Variants in PAM observed in about 807,000 individuals in gnomAD.
PAM encodes the protein peptidyl-glycine alpha-amidating monooxygenase.
PAM carries 72 observed loss-of-function variants against 122.1 expected under a neutral mutation model. The ratio of observed to expected loss-of-function variants is 0.59; its 90% CI spans 0.49 to 0.72. The LOEUF (loss-of-function observed/expected upper bound fraction) is 0.72, where lower values mean the gene tolerates loss of function less well. PAM is among the 30% of genes least tolerant of loss of function. The pLI, the probability that PAM is intolerant of heterozygous loss-of-function variation, is 0.00. For synonymous variants in PAM, 389 were observed against 404.4 expected (o/e 0.96, Z 0.46); for missense variants, 1,106 against 1,183.7 (o/e 0.93, Z 0.96).
At chr5:102,927,759 C>T (rs1750093461) in intron 7 of PAM, among the ~76,000 whole-genome samples, 2 of 148,896 alleles carry the variant, frequency 1.3e-5, no homozygotes, top group Admixed American at 1.3e-4. Flanking sequence ...TTTATTAATA[C>T]ACTAATAAAT....
intron 1 of PAM, among the ~76,000 whole-genome samples, chr5:102,851,609 T>G (rs1488595268): frequency 6.6e-6 from 1 of 152,234 alleles, no homozygotes; most frequent in East Asian, 1.9e-4. Flanking sequence ...AAGCACATTT[T>G]TGGCATTTTG....
chr5:102,923,914 G>T (rs1026994589), intron 5 of PAM, among the ~76,000 whole-genome samples: 4 of 152,112 alleles, frequency 2.6e-5, no homozygotes, highest in Admixed American at 2.6e-4. Flanking sequence ...GTTAAATAAT[G>T]CATTGCCCTG....
intron 3 of PAM, among the ~76,000 whole-genome samples, chr5:102,890,831 C>T (rs576184830): frequency 6.6e-6 from 1 of 151,922 alleles, no homozygotes; most frequent in African/African-American, 2.4e-5. Context: ...TAACTTATGA[C>T]AGGTAAAAAC....
rs1156843912 is a variant in PAM at position 102,819,196 on chromosome 5, C to G, written c.-373-46627C>G. Among the ~76,000 whole-genome samples the G allele has an allele frequency of 2.0e-5, 3 of 152,242 alleles. No individual in the cohort carries two copies. In the East Asian group the frequency reaches 5.8e-4, roughly 29 times the overall value. On this transcript the variant is annotated intron_variant, in intron 1 of 25. Transcript: ENST00000438793. ...AAACCTTACATTATAATTGTACTTG[C>G]ACATTTTCTGTTCAAGTGATGAAAT...
intron 3 of PAM, among the ~76,000 whole-genome samples, chr5:102,881,053 A>T (rs989789170): frequency 6.6e-6 from 1 of 151,868 alleles, no homozygotes; most frequent in Non-Finnish European, 1.5e-5. Context: ...TGAAATTTAT[A>T]TAAGAAGATA....
intron 16 of PAM, among the ~76,000 whole-genome samples, chr5:102,995,500 G>T (rs996335263): frequency 2.0e-5 from 3 of 152,058 alleles, no homozygotes; most frequent in Non-Finnish European, 2.9e-5. Context: ...TTGAATCTTG[G>T]TTACCATTTC....
intron 1 of PAM, among the ~76,000 whole-genome samples, chr5:102,855,206 T>A (rs1434561191): frequency 6.6e-6 from 1 of 152,174 alleles, no homozygotes; most frequent in African/African-American, 2.4e-5. Context: ...GCAGAATTAT[T>A]CAAATGAGAG....
chr5:103,025,358 C>T (rs368139621), intron 24 of PAM, 24 bp downstream of exon 24: 1 of 1,574,792 alleles, frequency 6.4e-7, no homozygotes, highest in Non-Finnish European at 8.7e-7. Context: ...GCCCCGTGAA[C>T]TTGGAACCTG....
chr5:102,927,913 ACT>A (rs1581789376), intron 7 of PAM, among the ~76,000 whole-genome samples: 1 of 152,072 alleles, frequency 6.6e-6, no homozygotes. Flanking sequence ...TAAACTGTTA[ACT>A]CTCTATAGTG....
chr5:102,933,262 G>T (rs1171095205), intron 7 of PAM, among the ~76,000 whole-genome samples: 1 of 152,206 alleles, frequency 6.6e-6, no homozygotes, highest in Admixed American at 6.5e-5. Context: ...GTTAGATATG[G>T]AATCTAGATG....
At chr5:102,974,503 A>C (rs769860240) in intron 15 of PAM, 67 bp downstream of exon 15, 40 of 1,026,258 alleles carry the variant, frequency 3.9e-5, no homozygotes, top group African/African-American at 9.6e-5. Flanking sequence ...CAAAACCTGA[A>C]GGGAATAAGA....
At chr5:102,836,906 A>G (rs1327985749) in intron 1 of PAM, among the ~76,000 whole-genome samples, 1 of 122,264 alleles carries the variant, frequency 8.2e-6, no homozygotes, top group Non-Finnish European at 1.6e-5. Flanking sequence ...GAGGTGCAAA[A>G]TTGTGTGTAT....
chr5:102,982,978 C>G (rs979645777), intron 15 of PAM, among the ~76,000 whole-genome samples: 1 of 151,820 alleles, frequency 6.6e-6, no homozygotes, highest in Admixed American at 6.6e-5. Context: ...TTCAGAAAAA[C>G]AGTTTATGAT....
At chr5:102,824,741 CAG>C (rs1773075095) in intron 1 of PAM, among the ~76,000 whole-genome samples, 3 of 151,648 alleles carry the variant, frequency 2.0e-5, no homozygotes, top group African/African-American at 7.3e-5. Context: ...ATACAGGTGA[CAG>C]TGTTTCCTAA....
chr5:103,014,575 TG>T (rs1275118207), intron 21 of PAM, among the ~76,000 whole-genome samples: 2 of 152,226 alleles, frequency 1.3e-5, no homozygotes, highest in Admixed American at 1.3e-4. Context: ...TTGACTCCTG[TG>T]TAAAAAGAGA....
At position 102,949,518 on chromosome 5, in the gene PAM, G is replaced by A. The variant is rs184912363; in HGVS notation, c.644-19G>A. The A allele has an allele frequency of 6.2e-4, 764 of 1,239,678 alleles. 2 individuals are homozygous for A. The highest frequency in any genetic ancestry group is 4.5e-3 in the Middle Eastern group (24 of 5,322). The allele number at this position is 1,239,678 out of a possible 1,614,324, so 76.8% of individuals were successfully genotyped here. On this transcript the variant is annotated intron_variant, in intron 9 of 25. Coordinates refer to ENST00000438793, the MANE Select transcript of PAM (RefSeq NM_001177306.2). ...TCCAGTTGAATAGTGACTTTTGTCT[G>A]TGTTTTCATTTCCCACAGTGGTGAA...
chr5:102,879,489 G>C (rs903344165), intron 3 of PAM, among the ~76,000 whole-genome samples: 1 of 152,124 alleles, frequency 6.6e-6, no homozygotes. Flanking sequence ...GGTCATGGGG[G>C]CAGATTTCCC....
At position 102,866,228 on chromosome 5, in the gene PAM, C is replaced by G; in HGVS notation, c.33C>G (p.Leu11=). Residue 11 remains leucine, a synonymous_variant, in exon 2 of 26, where the codon CTC becomes CTG. Transcript: ENST00000438793. MAGRVPSLLV[L]LVFPSSCLAF... is the part of the protein sequence containing the mutation. ...GCCGCGTCCCTAGCCTGCTAGTTCTCCTTGTTTTTCCAAGCAGCTGTTTGG... is the reference window on the plus strand; with the variant it reads ...GCCGCGTCCCTAGCCTGCTAGTTCTGCTTGTTTTTCCAAGCAGCTGTTTGG... 2 of 1,613,792 alleles carry G rather than the reference C, an allele frequency of 1.2e-6. No homozygotes were observed. The highest frequency in any genetic ancestry group is 1.7e-6 in the Non-Finnish European group (2 of 1,179,824).
chr5:102,774,075 C>T (rs1457345391), intron 1 of PAM, among the ~76,000 whole-genome samples: 3 of 152,060 alleles, frequency 2.0e-5, no homozygotes, highest in Non-Finnish European at 2.9e-5. Context: ...CATAGTATTC[C>T]ATGGTGTATC....
Sources: gnomAD v4.1 joint callset for allele counts (sites outside exome capture counted in the v4.1 genomes callset) on GRCh38, gnomAD v4.1.1 for gene constraint, MANE v1.5 for transcripts, NCBI Gene and HGNC (gene_info 2026-07-23, HGNC 2026-07-21) for gene names.